Variants in MEGF8 observed in about 807,000 individuals in gnomAD.
MEGF8 encodes multiple epidermal growth factor-like domains protein 8.
Under a neutral mutation model 302.9 loss-of-function variants are expected in MEGF8, and 156 were observed. The ratio of observed to expected loss-of-function variants is 0.52; its 90% CI spans 0.45 to 0.59. MEGF8 has a LOEUF of 0.59. Among genes scored for constraint, MEGF8 ranks in the 20% least tolerant of loss-of-function variants. MEGF8 has a pLI of 0.00. For synonymous variants in MEGF8, 1,621 were observed against 1,660.5 expected (o/e 0.98, Z 0.58); for missense variants, 3,345 against 3,964.5 (o/e 0.84, Z 4.20).
chr19:42,356,487 A>G lies in MEGF8; in HGVS notation c.4622+34A>G. On this transcript the variant is annotated intron_variant, in intron 26 of 41. Coordinates refer to ENST00000251268, the MANE Select transcript of MEGF8 (RefSeq NM_001271938.2). The surrounding 1 kb of genome is among the most constrained non-coding windows in gnomAD (Gnocchi z 5.2). The stretch of plus-strand genomic sequence containing the variant: ...TGCCCTGGGCAGGTGGGATTCGCAA[A>G]TAAGAGAAGGTCACCTCGGGATGCT... The G allele has an allele frequency of 2.7e-6, 4 of 1,505,678 alleles. No individual in the cohort carries two copies. Among genetic ancestry groups the G allele is most frequent in the Non-Finnish European group, 3.6e-6 (4 of 1,116,012 alleles). The allele number at this position is 1,505,678 out of a possible 1,614,324, so 93.3% of individuals were successfully genotyped here. A position where few individuals can be genotyped will look rare whatever the true frequency, so the allele number is the denominator to read the frequency against.
intron 41 of MEGF8, among the ~76,000 whole-genome samples, chr19:42,372,078 C>A (rs866916236): frequency 1.0e-3 from 68 of 66,906 alleles, no homozygotes; most frequent in East Asian, 1.5e-3. Context: ...ACAACAAACA[C>A]ACACACACAC....
At chr19:42,343,742 T>C (rs2039247591) in intron 9 of MEGF8, 111 bp downstream of exon 9, 1 of 1,406,938 alleles carries the variant, frequency 7.1e-7, no homozygotes. Flanking sequence ...TGGGGATCCC[T>C]AGGACCATGA....
At chr19:42,360,178 T>G (rs1184716367) in intron 31 of MEGF8, among the ~76,000 whole-genome samples, 1 of 151,756 alleles carries the variant, frequency 6.6e-6, no homozygotes, top group Non-Finnish European at 1.5e-5. Flanking sequence ...GCATTGGCAT[T>G]TAGTGCCTTC....
intron 1 of MEGF8, among the ~76,000 whole-genome samples, chr19:42,333,334 G>A (rs973659040): frequency 1.3e-4 from 20 of 152,332 alleles, no homozygotes; most frequent in Middle Eastern, 3.4e-3. Flanking sequence ...TCTGAATGGT[G>A]GGAGTGTTCA....
chr19:42,358,378 G>T lies in MEGF8; in HGVS notation c.5175+71G>T. ...AGGGGTCCTCTTTCCCAGTGCCCCA[G>T]GGACTGGCTCCATCCCAGATTCCTG... On this transcript the variant is annotated intron_variant, in intron 29 of 41. Coordinates refer to ENST00000251268, the MANE Select transcript of MEGF8 (RefSeq NM_001271938.2). The surrounding 1 kb of genome is among the most constrained non-coding windows in gnomAD (Gnocchi z 4.4). 6.7e-7 allele frequency: 1 copy of T among 1,501,904 alleles called. No homozygotes were observed. The allele number at this position is 1,501,904 out of a possible 1,614,324, so 93.0% of individuals were successfully genotyped here.
chr19:42,361,898 A>T (rs539107456), intron 32 of MEGF8, among the ~76,000 whole-genome samples, 192 bp from the exon 33 acceptor site: 1 of 152,282 alleles, frequency 6.6e-6, no homozygotes, highest in Non-Finnish European at 1.5e-5. Context: ...GGTGTGGTCC[A>T]GCGTCTCCAG....
intron 23 of MEGF8, among the ~76,000 whole-genome samples, chr19:42,355,500 G>C (rs931657938): frequency 6.6e-6 from 1 of 152,066 alleles, no homozygotes; most frequent in Admixed American, 6.6e-5. Context: ...GATGGGTGCC[G>C]GTGTCCAGGT....
At chr19:42,333,483 A>T in intron 1 of MEGF8, 122 bp from the exon 2 acceptor site, 1 of 1,124,374 alleles carries the variant, frequency 8.9e-7, no homozygotes, top group African/African-American at 1.6e-5. Context: ...CCCAGGTCTG[A>T]CTCATTCTTG....
chr19:42,327,867 G>A (rs1295306138), intron 1 of MEGF8, among the ~76,000 whole-genome samples: 3 of 152,222 alleles, frequency 2.0e-5, no homozygotes, highest in Non-Finnish European at 1.5e-5. Context: ...GGCCGAGGCC[G>A]GCAGATCGCC....
rs2039668316 is a variant in MEGF8, at chr19:42,370,350, C to T, written c.6996C>T (p.Asp2332=). The change falls in exon 39 of 42, where the codon GAC becomes GAT. Residue 2332 remains aspartate (D), a synonymous_variant. Transcript: ENST00000251268. The part of the protein sequence containing the change: ...SKGEPKKYSL[D]PEEIENWVTE... ...GAGAGCCAAAGAAGTACTCACTGGACCCAGAGGAGGTGAAAGAGAGGGGTC... is the reference window on the plus strand; with the variant it reads ...GAGAGCCAAAGAAGTACTCACTGGATCCAGAGGAGGTGAAAGAGAGGGGTC... The T allele has an allele frequency of 1.3e-6, 2 of 1,577,062 alleles. No individual in the cohort carries two copies. The highest frequency in any genetic ancestry group is 1.1e-5 in the South Asian group (1 of 87,408).
Position 42,359,161 on chromosome 19 carries a change from C to T in MEGF8, c.5407C>T (p.Arg1803Cys), listed in dbSNP as rs755807533. 41 of 1,559,056 alleles carry T rather than the reference C, an allele frequency of 2.6e-5. No homozygotes were observed. The highest frequency in any genetic ancestry group is 3.5e-5 in the Non-Finnish European group (40 of 1,150,512). Residue 1803 changes from arginine to cysteine, a missense_variant, in exon 31 of 42, where the codon CGC (arginine) becomes TGC (cysteine). Physicochemically the swap from Arg to Cys is radical, Grantham distance 180. Coordinates refer to ENST00000251268, the MANE Select transcript of MEGF8 (RefSeq NM_001271938.2). ...LGDTMVVLGG[R>C]SDPDEFSSDV... is the part of the protein sequence containing the mutation. ...GGACACCATGGTGGTTCTTGGGGGG[C>T]GCTCGGACCCTGACGAGTTCAGCAG...
rs749373272 is a variant in MEGF8, at chr19:42,353,997, C to G, written c.3984C>G (p.Phe1328Leu). Residue 1328 changes from phenylalanine (F) to leucine (L), a missense_variant, in exon 22 of 42, where the codon TTC (phenylalanine) becomes TTG (leucine). Physicochemically the swap from Phe to Leu is conservative, Grantham distance 22. Coordinates refer to ENST00000251268, the MANE Select transcript of MEGF8 (RefSeq NM_001271938.2). This position sits in a 1 kb window ranked among gnomAD's most constrained non-coding sequence, Gnocchi z 6.1. ...TCTGTCCCCCACTCACCCTCACCTT[C>G]TCCCCCGACAGCAGCACCCCCTGCA... Reference protein sequence around the residue: ...GTLCPPLTLTFSPDSSTPCTL... With the variant: ...GTLCPPLTLTLSPDSSTPCTL... 3 of 1,585,962 alleles carry G rather than the reference C, an allele frequency of 1.9e-6. No individual in the cohort carries two copies. The highest frequency in any genetic ancestry group is 2.6e-6 in the Non-Finnish European group (3 of 1,166,538).
In MEGF8 at chr19:42,354,330, T is replaced by C. The variant is rs1054370647; in HGVS notation, c.4012-258T>C. Among the ~76,000 whole-genome samples the C allele has an allele frequency of 6.6e-6, 1 of 151,974 alleles. No individual in the cohort carries two copies. Among genetic ancestry groups the C allele is most frequent in the Non-Finnish European group, 1.5e-5 (1 of 68,004 alleles). On this transcript the variant is annotated intron_variant, in intron 22 of 41. Transcript: ENST00000251268. The surrounding 1 kb of genome is among the most constrained non-coding windows in gnomAD (Gnocchi z 4.3). Reference sequence around the variant, plus strand: ...CACCTTGTACACCAACTCTGATTGATTGGTACTGACTGCCAGGAGCTGCAT... The same window carrying C: ...CACCTTGTACACCAACTCTGATTGACTGGTACTGACTGCCAGGAGCTGCAT...
In MEGF8 at chr19:42,359,796, C is replaced by T. The variant is rs184968647; in HGVS notation, c.5488+554C>T. On this transcript the variant is annotated intron_variant, in intron 31 of 41. Transcript: ENST00000251268. ...GCCTCCAAGGCTCAAGCAAGCAATC[C>T]TCCCTCCTCAGCCTCCCAAGAAGCT... 1.5e-4 allele frequency among the ~76,000 whole-genome samples: 23 copies of T among 152,106 alleles called. No homozygotes were observed. In the East Asian group the frequency reaches 2.9e-3, roughly 19 times the overall value.
At chr19:42,343,300 G>T (rs1474526772) in intron 8 of MEGF8, among the ~76,000 whole-genome samples, 177 bp from the exon 9 acceptor site, 1 of 152,142 alleles carries the variant, frequency 6.6e-6, no homozygotes, top group African/African-American at 2.4e-5. Flanking sequence ...TTTGGGTAGG[G>T]GCGAGGGAGC....
chr19:42,370,666 G>A (rs986597339), intron 39 of MEGF8, 35 bp from the exon 40 acceptor site: 1 of 1,579,300 alleles, frequency 6.3e-7, no homozygotes, highest in African/African-American at 1.3e-5. Flanking sequence ...GTTGGTCCAG[G>A]CCTTTCTATG....
intron 1 of MEGF8, among the ~76,000 whole-genome samples, chr19:42,331,021 C>A (rs78010855): frequency 6.6e-6 from 1 of 151,932 alleles, no homozygotes; most frequent in South Asian, 2.1e-4. Flanking sequence ...AGGGGAGGGA[C>A]GGGGCCAGAT....
chr19:42,337,805 CTCTTT>C (rs1600021322), intron 8 of MEGF8, among the ~76,000 whole-genome samples: 1 of 150,394 alleles, frequency 6.6e-6, no homozygotes, highest in South Asian at 2.1e-4. Flanking sequence ...CATGCCCGGC[CTCTTT>C]TCTTTTTTTT....
chr19:42,372,039 A>AAC (rs2039698644), intron 41 of MEGF8, among the ~76,000 whole-genome samples: 2 of 144,596 alleles, frequency 1.4e-5, no homozygotes, highest in Admixed American at 6.9e-5. Flanking sequence ...CTCTGTCTCA[A>AAC]AACAACAACA....
Sources: allele counts gnomAD v4.1 joint callset (sites outside exome capture counted in the v4.1 genomes callset), GRCh38; gene constraint gnomAD v4.1.1; non-coding constraint Gnocchi (gnomAD v3.1); transcripts MANE v1.5; gene names NCBI Gene and HGNC (gene_info 2026-07-23, HGNC 2026-07-21).